Variants in RAPGEF5 observed in about 807,000 individuals in gnomAD.
RAPGEF5 encodes M-Ras-regulated GEF.
RAPGEF5 carries 65 observed loss-of-function variants against 125.2 expected under a neutral mutation model. The observed-to-expected ratio is 0.52, with a 90% CI of 0.43 to 0.64. The LOEUF is 0.64. RAPGEF5 is among the 30% of genes least tolerant of loss of function. The pLI is 0.00. For missense variants in RAPGEF5, 958 were observed against 1,048.1 expected (o/e 0.91, Z 1.19); for synonymous variants, 391 against 385.9 (o/e 1.01, Z -0.16).
At chr7:22,184,316 G>C (rs1351809018) in intron 11 of RAPGEF5, among the ~76,000 whole-genome samples, 1 of 152,154 alleles carries the variant, frequency 6.6e-6, no homozygotes. Flanking sequence ...TCTCCACATA[G>C]TTCACTAGAA....
chr7:22,191,692 T>C (rs762565722), intron 11 of RAPGEF5: 4 of 470,374 alleles, frequency 8.5e-6, no homozygotes, highest in Non-Finnish European at 1.8e-5. Flanking sequence ...AACCACTATA[T>C]TTCCCAATAG....
intron 6 of RAPGEF5, among the ~76,000 whole-genome samples, chr7:22,270,635 G>A (rs1782396464): frequency 6.6e-6 from 1 of 152,148 alleles, no homozygotes; most frequent in Non-Finnish European, 1.5e-5. Context: ...TTCTTAATCT[G>A]ACAGAAACAG....
intron 11 of RAPGEF5, among the ~76,000 whole-genome samples, chr7:22,184,216 CGTA>C (rs1481267231): frequency 6.6e-6 from 1 of 152,068 alleles, no homozygotes; most frequent in Non-Finnish European, 1.5e-5. Context: ...ATGCATTTAT[CGTA>C]GTAAATTCTA....
chr7:22,270,706 T>C (rs1011884840), intron 6 of RAPGEF5, among the ~76,000 whole-genome samples: 2 of 152,216 alleles, frequency 1.3e-5, no homozygotes, highest in African/African-American at 4.8e-5. Context: ...TTAACTCCTT[T>C]TCAGAACTCC....
chr7:22,240,433 G>A (rs534779641), intron 7 of RAPGEF5, among the ~76,000 whole-genome samples: 23 of 151,720 alleles, frequency 1.5e-4, no homozygotes, highest in South Asian at 8.3e-4. Context: ...ATGCAGTGGC[G>A]CCATCTCGGC....
At chr7:22,241,785 G>A (rs138168920) in intron 7 of RAPGEF5, among the ~76,000 whole-genome samples, 2 of 152,192 alleles carry the variant, frequency 1.3e-5, no homozygotes, top group Admixed American at 6.5e-5. Context: ...GGGGTAGAGT[G>A]GAAGATAAGG....
chr7:22,224,870 T>A (rs1785882191), intron 8 of RAPGEF5, among the ~76,000 whole-genome samples: 1 of 151,298 alleles, frequency 6.6e-6, no homozygotes, highest in Non-Finnish European at 1.5e-5. Context: ...GATTACAGCA[T>A]CATCAATAAA....
At chr7:22,122,740 T>C (rs955175883) in intron 25 of RAPGEF5, among the ~76,000 whole-genome samples, 10 of 152,224 alleles carry the variant, frequency 6.6e-5, no homozygotes, top group African/African-American at 2.2e-4. Flanking sequence ...ACTTATAGCA[T>C]TTATTACCTA....
At chr7:22,350,398 T>A (rs1316048316) in intron 1 of RAPGEF5, among the ~76,000 whole-genome samples, 1 of 152,226 alleles carries the variant, frequency 6.6e-6, no homozygotes, top group African/African-American at 2.4e-5. Flanking sequence ...AGCAAAAATG[T>A]TTGTGTCTAG....
At chr7:22,307,335 G>C (rs975350310) in intron 5 of RAPGEF5, among the ~76,000 whole-genome samples, 1 of 152,070 alleles carries the variant, frequency 6.6e-6, no homozygotes, top group African/African-American at 2.4e-5. Flanking sequence ...AAATGGTGGA[G>C]GTGAGGTGGT....
At chr7:22,264,722 C>G (rs1235017689) in intron 7 of RAPGEF5, among the ~76,000 whole-genome samples, 1 of 152,180 alleles carries the variant, frequency 6.6e-6, no homozygotes, top group Non-Finnish European at 1.5e-5. Context: ...GCTTTCCAAT[C>G]CCACTCTGTG....
chr7:22,263,559 G>C (rs918730393), intron 7 of RAPGEF5, among the ~76,000 whole-genome samples: 2 of 151,950 alleles, frequency 1.3e-5, no homozygotes. Context: ...GCGAAACACT[G>C]TCTCTACTAA....
At chr7:22,145,431 T>G in intron 19 of RAPGEF5, among the ~76,000 whole-genome samples, 1 of 152,244 alleles carries the variant, frequency 6.6e-6, no homozygotes, top group Non-Finnish European at 1.5e-5. Flanking sequence ...AATCCTTATA[T>G]AAGTGATTTT....
At chr7:22,184,563 C>T (rs1025659986) in intron 11 of RAPGEF5, among the ~76,000 whole-genome samples, 2 of 152,180 alleles carry the variant, frequency 1.3e-5, no homozygotes, top group African/African-American at 4.8e-5. Context: ...TGCTATACTC[C>T]TATTAAACAT....
rs182245934 is a variant in RAPGEF5, at chr7:22,214,934, C to T, written c.996+4932G>A. Among the ~76,000 whole-genome samples the T allele has an allele frequency of 4.5e-3, 690 of 152,294 alleles. 1 individual carries two copies. The highest frequency in any genetic ancestry group is 7.2e-3 in the Non-Finnish European group (488 of 68,030). The stretch of plus-strand genomic sequence containing the variant: ...GCTCCCTCACTATTCAGTCACTGTT[C>T]AGTCAGATTGAAATAATATAATTTA... On this transcript the variant is annotated intron_variant, in intron 9 of 25. Transcript: ENST00000665637.
In RAPGEF5 at chr7:22,122,168, G is replaced by A; in HGVS notation, c.*238C>T. ...AAGAAACCAGCCTTCTCCATCTCAA[G>A]AATGCTTCTGACTCTCCTTCTGCCT... is the stretch of plus-strand genomic sequence containing the variant. On this transcript the variant is annotated 3_prime_UTR_variant, in exon 26 of 26. Transcript: ENST00000665637. 2.2e-6 allele frequency: 1 copy of A among 460,780 alleles called. No homozygotes were observed. The highest frequency in any genetic ancestry group is 4.0e-6 in the Non-Finnish European group (1 of 251,992). 28.5% of individuals were successfully genotyped at this position (460,780 alleles called of 1,614,324 possible).
At chr7:22,122,634 A>C in intron 25 of RAPGEF5, 113 bp from the exon 26 acceptor site, 1 of 724,816 alleles carries the variant, frequency 1.4e-6, no homozygotes, top group Non-Finnish European at 2.4e-6. Context: ...GGTTCTCATT[A>C]GTCAGAATCC....
intron 7 of RAPGEF5, among the ~76,000 whole-genome samples, chr7:22,258,079 A>G (rs1782046619): frequency 6.6e-6 from 1 of 152,242 alleles, no homozygotes; most frequent in Non-Finnish European, 1.5e-5. Flanking sequence ...ATTAGAACTC[A>G]TTGGAGTTCA....
chr7:22,349,418 C>G (rs1407095239), intron 1 of RAPGEF5, among the ~76,000 whole-genome samples: 4 of 99,312 alleles, frequency 4.0e-5, no homozygotes, highest in Non-Finnish European at 7.8e-5. Context: ...AGTGAGACTC[C>G]ATCCAAAAAA....
Sources: gnomAD v4.1 joint callset for allele counts (sites outside exome capture counted in the v4.1 genomes callset) on GRCh38, gnomAD v4.1.1 for gene constraint, MANE v1.5 for transcripts, NCBI Gene and HGNC (gene_info 2026-07-23, HGNC 2026-07-21) for gene names.